UTP20: variants seen among roughly 807,000 people sequenced by gnomAD.
UTP20 encodes UTP20 small subunit processome component.
In UTP20, 164 loss-of-function variants were observed where a neutral mutation model predicts 329.5. The observed-to-expected ratio is 0.50, with a 90% CI of 0.44 to 0.57. The LOEUF is 0.57. Among genes scored for constraint, UTP20 ranks in the 20% least tolerant of loss-of-function variants. The pLI is 0.00. For missense variants in UTP20, 3,055 were observed against 3,284.2 expected (o/e 0.93, Z 1.71); for synonymous variants, 1,151 against 1,159.3 (o/e 0.99, Z 0.14).
intron 25 of UTP20, among the ~76,000 whole-genome samples, chr12:101,323,271 A>G (rs1868439641): frequency 1.3e-5 from 2 of 152,186 alleles, no homozygotes; most frequent in Admixed American, 1.3e-4. Flanking sequence ...TTTTTGCAAA[A>G]TAGAAAATCT....
intron 5 of UTP20, among the ~76,000 whole-genome samples, chr12:101,287,696 A>G (rs565035592): frequency 2.6e-4 from 39 of 152,192 alleles, no homozygotes; most frequent in Non-Finnish European, 4.9e-4. Context: ...CAGAGGCATC[A>G]CTAACCCAGT....
intron 35 of UTP20, among the ~76,000 whole-genome samples, 190 bp downstream of exon 35, chr12:101,343,283 G>A (rs779482429): frequency 2.0e-5 from 3 of 152,028 alleles, no homozygotes; most frequent in Non-Finnish European, 2.9e-5. Flanking sequence ...GGCAAATATT[G>A]TGAATAAAAT....
intron 15 of UTP20, among the ~76,000 whole-genome samples, chr12:101,304,332 A>G (rs1046901645): frequency 6.6e-6 from 1 of 152,212 alleles, no homozygotes; most frequent in Non-Finnish European, 1.5e-5. Flanking sequence ...AAAAAGGGGT[A>G]GTGAAGAAAA....
At chr12:101,322,338 A>C (rs1033600035) in intron 25 of UTP20, among the ~76,000 whole-genome samples, 2 of 152,172 alleles carry the variant, frequency 1.3e-5, no homozygotes, top group Non-Finnish European at 2.9e-5. Flanking sequence ...CAATAATATA[A>C]TTAAATTTAA....
chr12:101,363,459 C>A, intron 44 of UTP20, 117 bp from the exon 45 acceptor site: 2 of 845,028 alleles, frequency 2.4e-6, no homozygotes, highest in Non-Finnish European at 3.4e-6. Flanking sequence ...TAATTTGAGT[C>A]CAGTCCAACT....
chr12:101,373,870 C>A, intron 54 of UTP20, 103 bp downstream of exon 54: 1 of 1,267,650 alleles, frequency 7.9e-7, no homozygotes, highest in Non-Finnish European at 1.1e-6. Context: ...GTTTTTTTCC[C>A]AAATAGTGTT....
intron 43 of UTP20, among the ~76,000 whole-genome samples, chr12:101,359,481 G>GTA (rs1422870439): frequency 3.6e-5 from 5 of 140,264 alleles, no homozygotes; most frequent in Non-Finnish European, 7.4e-5. Context: ...GTGTGTGTGT[G>GTA]TGTGTATGTA....
chr12:101,288,387 A>G (rs1872027194), intron 5 of UTP20, among the ~76,000 whole-genome samples: 1 of 152,218 alleles, frequency 6.6e-6, no homozygotes, highest in Non-Finnish European at 1.5e-5. Flanking sequence ...GACCTTGAGC[A>G]AGTTGCTTAT....
Position 101,379,371 on chromosome 12 carries a change from G to T in UTP20, c.7397G>T (p.Ser2466Ile). 1 of 1,602,486 alleles carries T rather than the reference G, an allele frequency of 6.2e-7. No individual in the cohort carries two copies. The highest frequency in any genetic ancestry group is 1.7e-4 in the Middle Eastern group (1 of 6,016). Residue 2466 changes from serine to isoleucine, a missense_variant and splice_region_variant, in exon 57 of 62, where the codon AGT (serine) becomes ATT (isoleucine). Physicochemically the swap from Ser to Ile is moderately radical, Grantham distance 142. Transcript: ENST00000261637. ...CACAAATGCTTTTTGGTTCCCTTAG[G>T]TCATGTGCATTCTCACCTGAGACAT... Reference protein sequence around the residue: ...KPAETLSKIWSHVHSHLRHPH... With the variant: ...KPAETLSKIWIHVHSHLRHPH...
chr12:101,295,600 A>T lies in UTP20; in HGVS notation c.1372A>T (p.Thr458Ser). The change falls in exon 12 of 62, where the codon ACT becomes TCT. Residue 458 changes from threonine to serine, a missense_variant. Thr to Ser is a moderately conservative substitution (Grantham distance 58, BLOSUM62 1). Transcript: ENST00000261637. ...KLILNKAAPPTAGSMAIEKYP... is the reference protein window; with the variant it reads ...KLILNKAAPPSAGSMAIEKYP... ...CATTCTGAACAAAGCAGCACCTCCC[A>T]CTGCTGGCTCGATGGCAATTGAAAA... 1.2e-6 allele frequency: 2 copies of T among 1,613,076 alleles called. No homozygotes were observed. The highest frequency in any genetic ancestry group is 1.7e-6 in the Non-Finnish European group (2 of 1,179,408).
chr12:101,381,014 T>C (rs1002304867), intron 57 of UTP20, 126 bp from the exon 58 acceptor site: 39 of 748,842 alleles, frequency 5.2e-5, no homozygotes, highest in Non-Finnish European at 8.0e-5. Flanking sequence ...TCTCCAAATC[T>C]ATACAGGTGG....
chr12:101,287,380 A>G (rs1173571821), intron 5 of UTP20, among the ~76,000 whole-genome samples: 1 of 152,262 alleles, frequency 6.6e-6, no homozygotes, highest in African/African-American at 2.4e-5. Context: ...TCTTTGGGGA[A>G]TAATTGATTT....
At chr12:101,328,915 A>C (rs1448173422) in intron 26 of UTP20, among the ~76,000 whole-genome samples, 1 of 152,020 alleles carries the variant, frequency 6.6e-6, no homozygotes, top group African/African-American at 2.4e-5. Flanking sequence ...AACTATTCAT[A>C]ACTCAGGTTT....
chr12:101,362,047 A>G lies in UTP20; in HGVS notation c.5777A>G (p.Asp1926Gly). Reference protein sequence around the residue: ...LQVGDLDSCLDIMIEIFNHEL... With the variant: ...LQVGDLDSCLGIMIEIFNHEL... ...GTCGGAGATTTGGACTCTTGTTTAG[A>G]TATAATGATTGAGGTAAGACTTACA... is the stretch of plus-strand genomic sequence containing the variant. Residue 1926 changes from aspartate to glycine, a missense_variant, in exon 44 of 62, where the codon GAT becomes GGT. Asp to Gly is a moderately conservative substitution (Grantham distance 94, BLOSUM62 -1). Transcript: ENST00000261637. 1 of 1,613,006 alleles carries G rather than the reference A, an allele frequency of 6.2e-7. No homozygotes were observed. Among genetic ancestry groups the G allele is most frequent in the Non-Finnish European group, 8.5e-7 (1 of 1,179,264 alleles).
intron 30 of UTP20, among the ~76,000 whole-genome samples, 163 bp from the exon 31 acceptor site, chr12:101,338,650 A>G (rs572720126): frequency 3.3e-5 from 5 of 152,212 alleles, no homozygotes; most frequent in Non-Finnish European, 7.3e-5. Flanking sequence ...GCTATTTTGA[A>G]TAAGAAGAAA....
In UTP20 at chr12:101,321,603, A is replaced by C. The variant is rs1304677414; in HGVS notation, c.3015A>C (p.Arg1005=). The C allele has an allele frequency of 1.2e-6, 2 of 1,613,668 alleles. No individual in the cohort carries two copies. The highest frequency in any genetic ancestry group is 4.5e-5 in the East Asian group (2 of 44,794). Residue 1005 remains arginine (R), a synonymous_variant, in exon 25 of 62, where the codon CGA becomes CGC. Transcript: ENST00000261637. ...EDNAVVKTAH[R]ADLFPILMRI... is the part of the protein sequence containing the mutation. ...ATGCTGTAGTGAAAACAGCCCACCGAGCAGATCTATTTCCTATTCTGATGA... is the reference window on the plus strand; with the variant it reads ...ATGCTGTAGTGAAAACAGCCCACCGCGCAGATCTATTTCCTATTCTGATGA...
rs773619813 is a variant in UTP20 at position 101,385,593 on chromosome 12, G to C, written c.8067G>C (p.Leu2689=). The change falls in exon 61 of 62, where the codon CTG becomes CTC. Residue 2689 remains leucine, a synonymous_variant. Coordinates refer to ENST00000261637, the MANE Select transcript of UTP20 (RefSeq NM_014503.3). The part of the protein sequence containing the change: ...NSTYSEQDPL[L]KNLSQEIIEL... ...TTTGTGTGTGATTAGATCCTTTGCT[G>C]AAGAATCTATCCCAGGAAATCATAG... The C allele has an allele frequency of 9.9e-6, 16 of 1,611,648 alleles. No homozygotes were observed. The East Asian group carries it at 3.6e-4, about 36-fold the overall frequency.
chr12:101,383,610 A>G lies in UTP20; in HGVS notation c.7997A>G (p.Tyr2666Cys). Reference protein sequence around the residue: ...MDLGIDKVKPYLPMIIAPLFR... With the variant: ...MDLGIDKVKPCLPMIIAPLFR... ...CTTGGGATAGACAAGGTAAAGCCGT[A>G]TCTCCCAATGATCATAGCTCCTTTG... Residue 2666 changes from tyrosine to cysteine, a missense_variant, in exon 60 of 62, where the codon TAT becomes TGT. Tyr to Cys is a radical substitution (Grantham distance 194). Around this residue, in one of 3 missense-constraint regions of UTP20, gnomAD observed 337 missense variants for 345.5 expected, o/e 0.98. Transcript: ENST00000261637. The G allele has an allele frequency of 1.9e-6, 3 of 1,613,892 alleles. No individual in the cohort carries two copies. Among genetic ancestry groups the G allele is most frequent in the Non-Finnish European group, 2.5e-6 (3 of 1,179,924 alleles).
rs183792886 is a variant in UTP20 at position 101,346,444 on chromosome 12, C to T, written c.4747-7C>T. 91 of 1,584,188 alleles carry T rather than the reference C, an allele frequency of 5.7e-5. No homozygotes were observed. The highest frequency in any genetic ancestry group is 6.8e-5 in the Non-Finnish European group (79 of 1,169,712). On this transcript the variant is annotated splice_region_variant and splice_polypyrimidine_tract_variant and intron_variant, in intron 37 of 61. Coordinates refer to ENST00000261637, the MANE Select transcript of UTP20 (RefSeq NM_014503.3). The stretch of plus-strand genomic sequence containing the variant: ...GGTAACTAATTCATATTTTATCTTA[C>T]CCATAGATCCACAGAAGAGCAAGAG...
Sources: allele counts gnomAD v4.1 joint callset (sites outside exome capture counted in the v4.1 genomes callset), GRCh38; gene constraint gnomAD v4.1.1; regional missense constraint gnomAD v4.1.1; transcripts MANE v1.5; gene names NCBI Gene and HGNC (gene_info 2026-07-23, HGNC 2026-07-21).